The following STOX2 variants were observed in gnomAD, a reference collection of about 807,000 sequenced individuals.
The protein encoded by STOX2 is storkhead-box protein 2.
STOX2 carries 28 observed loss-of-function variants against 60.9 expected under a neutral mutation model. The observed-to-expected ratio is 0.46, with a 90% CI of 0.34 to 0.63. STOX2 has a LOEUF of 0.63. Among genes scored for constraint, STOX2 ranks in the 30% least tolerant of loss-of-function variants. The probability of loss-of-function intolerance (pLI) is 0.01; values close to 1 mark genes in which losing one functional copy is unlikely to be tolerated. For synonymous variants in STOX2, 472 were observed against 463.9 expected (o/e 1.02, Z -0.22); for missense variants, 1,024 against 1,187.7 (o/e 0.86, Z 2.03).
chr4:183,890,942 T>C (rs1479865557), intron 1 of STOX2, among the ~76,000 whole-genome samples: 2 of 152,010 alleles, frequency 1.3e-5, no homozygotes, highest in African/African-American at 4.8e-5. Context: ...ACCCCATCTC[T>C]ACAAAAAAAT....
At chr4:183,816,591 G>T (rs1739159728) in intron 1 of STOX2, among the ~76,000 whole-genome samples, 1 of 151,990 alleles carries the variant, frequency 6.6e-6, no homozygotes, top group Admixed American at 6.6e-5. Context: ...TCAAACTTCA[G>T]CATTACATGA....
chr4:183,830,903 T>C (rs1253847580), intron 1 of STOX2, among the ~76,000 whole-genome samples: 1 of 121,028 alleles, frequency 8.3e-6, no homozygotes, highest in Non-Finnish European at 1.5e-5. Flanking sequence ...ATTTTTAGAA[T>C]TTTTTTTTTT....
At position 183,985,291 on chromosome 4, in the gene STOX2, G is replaced by A. The variant is rs1268334295; in HGVS notation, c.167-16034G>A. On this transcript the variant is annotated intron_variant, in intron 1 of 3. Transcript: ENST00000308497. ...TTATCAAGAGGTAACACGTGTTGTTGAAAGAACAGACTTTCAACAGCAATG... is the reference window on the plus strand; with the variant it reads ...TTATCAAGAGGTAACACGTGTTGTTAAAAGAACAGACTTTCAACAGCAATG... 2.0e-5 allele frequency among the ~76,000 whole-genome samples: 3 copies of A among 151,938 alleles called. No homozygotes were observed. In the East Asian group the frequency reaches 5.8e-4, roughly 29 times the overall value.
intron 1 of STOX2, among the ~76,000 whole-genome samples, chr4:183,888,298 C>G (rs1270071342): frequency 6.6e-6 from 1 of 152,182 alleles, no homozygotes; most frequent in African/African-American, 2.4e-5. Context: ...AGGCATTGTT[C>G]TAAGCAGTTC....
intron 1 of STOX2, among the ~76,000 whole-genome samples, chr4:183,969,750 G>A (rs1743683852): frequency 6.6e-6 from 1 of 152,140 alleles, no homozygotes; most frequent in Non-Finnish European, 1.5e-5. Flanking sequence ...CTCCTGAGTA[G>A]CTGGGGCTCC....
chr4:183,922,276 C>G (rs1259678454), intron 1 of STOX2, among the ~76,000 whole-genome samples: 1 of 151,438 alleles, frequency 6.6e-6, no homozygotes, highest in African/African-American at 2.4e-5. Context: ...CATGCTTAGT[C>G]ATGCATTTTT....
intron 1 of STOX2, among the ~76,000 whole-genome samples, chr4:183,933,942 G>A (rs1244488445): frequency 6.6e-6 from 1 of 152,150 alleles, no homozygotes; most frequent in Non-Finnish European, 1.5e-5. Flanking sequence ...AGCAGAAGGT[G>A]GGGTGTTTTA....
chr4:183,925,865 T>C (rs1742227385), intron 1 of STOX2, among the ~76,000 whole-genome samples: 2 of 152,134 alleles, frequency 1.3e-5, no homozygotes, highest in African/African-American at 2.4e-5. Flanking sequence ...ATTGCTCCTT[T>C]TAGTATTTGA....
At chr4:183,830,923 A>G (rs562538714) in intron 1 of STOX2, among the ~76,000 whole-genome samples, 9 of 128,792 alleles carry the variant, frequency 7.0e-5, no homozygotes, top group Non-Finnish European at 1.5e-4. Flanking sequence ...TTTTTTGGCT[A>G]GCTGTATATG....
At chr4:183,832,978 T>C (rs1304068751) in intron 1 of STOX2, among the ~76,000 whole-genome samples, 2 of 152,236 alleles carry the variant, frequency 1.3e-5, no homozygotes, top group African/African-American at 4.8e-5. Flanking sequence ...CATGCTGATG[T>C]TTTTCAATCT....
At chr4:183,837,552 G>A (rs1037873167) in intron 1 of STOX2, among the ~76,000 whole-genome samples, 1 of 151,774 alleles carries the variant, frequency 6.6e-6, no homozygotes, top group African/African-American at 2.4e-5. Flanking sequence ...TCTGCCTCTC[G>A]GGTTCAAGTA....
At chr4:183,938,669 CAAAAAAA>C (rs10577405) in intron 1 of STOX2, among the ~76,000 whole-genome samples, 16 of 82,490 alleles carry the variant, frequency 1.9e-4, no homozygotes, top group Admixed American at 1.5e-4. Context: ...ACTCCGTCTC[CAAAAAAA>C]AAAAAAAAAA....
chr4:183,973,460 G>C (rs1029521230), intron 1 of STOX2, among the ~76,000 whole-genome samples: 15 of 152,032 alleles, frequency 9.9e-5, no homozygotes, highest in African/African-American at 3.6e-4. Context: ...AACCACAAAG[G>C]CCAAAGTAAA....
At chr4:184,002,504 T>A (rs550317872) in intron 2 of STOX2, among the ~76,000 whole-genome samples, 20 of 152,374 alleles carry the variant, frequency 1.3e-4, no homozygotes, top group Middle Eastern at 3.4e-3. Flanking sequence ...CATGCCTCTG[T>A]GGGTTCCCCA....
chr4:183,882,627 T>C (rs368696651), intron 1 of STOX2, among the ~76,000 whole-genome samples: 1 of 149,916 alleles, frequency 6.7e-6, no homozygotes, highest in South Asian at 2.1e-4. Flanking sequence ...CACTGTAGAG[T>C]TGTAGCAGCT....
Position 183,803,836 on chromosome 4 carries a change from A to G in STOX2, c.364+5781A>G, listed in dbSNP as rs189332631. 9.0e-3 allele frequency among the ~76,000 whole-genome samples: 1,375 copies of G among 152,126 alleles called. 24 individuals are homozygous for G. Among genetic ancestry groups the G allele is most frequent in the African/African-American group, 0.031 (1,304 of 41,482 alleles). On this transcript the variant is annotated intron_variant, in intron 1 of 2. Transcript: ENST00000513034. ...AAATTAGCCAGGTGTGGTGGCAGAC[A>G]CCTGTAATCCTAACTACTTGGGAGG... is the stretch of plus-strand genomic sequence containing the variant.
At chr4:183,938,828 C>T (rs1354066504) in intron 1 of STOX2, among the ~76,000 whole-genome samples, 1 of 152,066 alleles carries the variant, frequency 6.6e-6, no homozygotes, top group Non-Finnish European at 1.5e-5. Context: ...AATGCATTTT[C>T]GAATTTTTTC....
chr4:183,832,805 C>CT (rs549499994), intron 1 of STOX2, among the ~76,000 whole-genome samples: 13,284 of 152,214 alleles, frequency 0.087, 1,887 homozygotes, highest in African/African-American at 0.3. Flanking sequence ...CTGGCTCTTA[C>CT]CCTTACTGTC....
chr4:183,876,618 G>A (rs993976419), intron 1 of STOX2, among the ~76,000 whole-genome samples: 4 of 152,208 alleles, frequency 2.6e-5, no homozygotes, highest in Admixed American at 6.5e-5. Flanking sequence ...CCTGTATGGA[G>A]GCAGCCGCTC....
Sources: gnomAD v4.1 joint callset for allele counts (sites outside exome capture counted in the v4.1 genomes callset) on GRCh38, gnomAD v4.1.1 for gene constraint, MANE v1.5 for transcripts, NCBI Gene and HGNC (gene_info 2026-07-23, HGNC 2026-07-21) for gene names.